The following CHODL variants were observed in gnomAD, a reference collection of about 807,000 sequenced individuals.
The protein encoded by CHODL is chondrolectin.
CHODL carries 29 observed loss-of-function variants against 34.5 expected under a neutral mutation model. That is an observed-to-expected ratio of 0.84 (90% CI 0.63 to 1.15). The LOEUF is 1.15. CHODL is among the 50% of genes most tolerant of loss of function. CHODL has a pLI of 0.00. For synonymous variants in CHODL, 125 were observed against 116.1 expected (o/e 1.08, Z -0.49); for missense variants, 332 against 332.5 (o/e 1.00, Z 0.01).
chr21:18,084,848 T>C (rs747404323), intron 2 of CHODL, among the ~76,000 whole-genome samples: 1 of 152,026 alleles, frequency 6.6e-6, no homozygotes, highest in Non-Finnish European at 1.5e-5. Context: ...ATGATCTGTC[T>C]AGTGCTATGA....
At chr21:18,202,992 C>T (rs1177674438) in intron 2 of CHODL, among the ~76,000 whole-genome samples, 1 of 152,104 alleles carries the variant, frequency 6.6e-6, no homozygotes, top group Admixed American at 6.5e-5. Context: ...AGAATGCTGT[C>T]TGATATACAT....
At chr21:18,194,925 T>C (rs1423642143) in intron 2 of CHODL, among the ~76,000 whole-genome samples, 2 of 152,280 alleles carry the variant, frequency 1.3e-5, no homozygotes, top group East Asian at 3.9e-4. Context: ...TAAGTTAACA[T>C]ATGCATTACT....
chr21:18,262,865 A>G lies in CHODL; in HGVS notation c.709A>G (p.Thr237Ala), dbSNP rs1284575421. ...LLLLILVAFG[T>A]CCFQMLHKSK... is the part of the protein sequence containing the mutation. ...CTTACTGATACTGGTTGCTTTTGGA[A>G]CCTGTTGTTTCCAGATGCTGCATAA... Residue 237 changes from threonine to alanine, a missense_variant, in exon 5 of 6, where the codon ACC (threonine) becomes GCC (alanine). By Grantham distance (58) the Thr-to-Ala change is moderately conservative. Coordinates refer to ENST00000299295, the MANE Select transcript of CHODL (RefSeq NM_024944.3). 2 of 1,608,812 alleles carry G rather than the reference A, an allele frequency of 1.2e-6. No individual in the cohort carries two copies. The highest frequency in any genetic ancestry group is 2.2e-5 in the South Asian group (2 of 90,956).
At chr21:18,084,890 A>ATTGCT (rs1359803641) in intron 2 of CHODL, among the ~76,000 whole-genome samples, 2 of 148,488 alleles carry the variant, frequency 1.3e-5, no homozygotes, top group African/African-American at 5.0e-5. Flanking sequence ...CTATTATTGT[A>ATTGCT]TTGCTATCTC....
intron 2 of CHODL, among the ~76,000 whole-genome samples, chr21:18,214,689 C>T (rs980026486): frequency 2.6e-5 from 4 of 151,986 alleles, no homozygotes; most frequent in Non-Finnish European, 4.4e-5. Flanking sequence ...ACGTACGTCT[C>T]GAACATCTAA....
At chr21:18,251,438 T>TTATTTATTTA (rs2074237259) in intron 1 of CHODL, among the ~76,000 whole-genome samples, 1 of 57,162 alleles carries the variant, frequency 1.7e-5, no homozygotes, top group Admixed American at 1.8e-4. Flanking sequence ...TTTATTTTAA[T>TTATTTATTTA]ATATAAAAAT....
intron 1 of CHODL, among the ~76,000 whole-genome samples, chr21:17,959,492 A>G (rs558395635): frequency 3.3e-5 from 5 of 152,322 alleles, no homozygotes; most frequent in African/African-American, 1.2e-4. Flanking sequence ...GATGAAAATC[A>G]TGGATTCTGA....
At chr21:18,125,655 G>A (rs1439130748) in intron 2 of CHODL, among the ~76,000 whole-genome samples, 1 of 151,900 alleles carries the variant, frequency 6.6e-6, no homozygotes, top group South Asian at 2.1e-4. Context: ...GAGTGCAGTG[G>A]TACGATCTCA....
chr21:18,048,924 T>TTTG (rs2064478725), intron 2 of CHODL, among the ~76,000 whole-genome samples: 1 of 151,876 alleles, frequency 6.6e-6, no homozygotes, highest in African/African-American at 2.4e-5. Flanking sequence ...AACTTCACAT[T>TTTG]TTTTTAAAAA....
chr21:18,051,729 A>T (rs1884973850), intron 2 of CHODL, among the ~76,000 whole-genome samples: 1 of 151,976 alleles, frequency 6.6e-6, no homozygotes, highest in African/African-American at 2.4e-5. Context: ...GATTTAGTAA[A>T]GACTTCCCGT....
chr21:18,181,754 T>G (rs923021265), intron 2 of CHODL, among the ~76,000 whole-genome samples: 1 of 152,210 alleles, frequency 6.6e-6, no homozygotes, highest in African/African-American at 2.4e-5. Context: ...CTCTACACAT[T>G]GACCATTCTG....
At chr21:18,237,472 G>A (rs2074039152) in intron 2 of CHODL, among the ~76,000 whole-genome samples, 1 of 152,112 alleles carries the variant, frequency 6.6e-6, no homozygotes. Flanking sequence ...CAAAGGAAAG[G>A]AAGGTACTGG....
At chr21:18,161,362 T>A (rs2073093311) in intron 2 of CHODL, among the ~76,000 whole-genome samples, 1 of 152,192 alleles carries the variant, frequency 6.6e-6, no homozygotes, top group Admixed American at 6.5e-5. Context: ...TTTTCATACA[T>A]TTATACATGT....
chr21:18,097,966 G>A (rs1389127514), intron 2 of CHODL, among the ~76,000 whole-genome samples: 1 of 152,010 alleles, frequency 6.6e-6, no homozygotes, highest in Admixed American at 6.6e-5. Flanking sequence ...ATTAACTGGG[G>A]AAAAGACAGT....
At chr21:18,009,811 C>T (rs1337429918) in intron 1 of CHODL, among the ~76,000 whole-genome samples, 3 of 145,298 alleles carry the variant, frequency 2.1e-5, no homozygotes, top group African/African-American at 2.6e-5. Flanking sequence ...TGGCGTGAAC[C>T]TGGGAAGCGG....
At chr21:18,228,973 T>C (rs999560335) in intron 2 of CHODL, among the ~76,000 whole-genome samples, 4 of 152,144 alleles carry the variant, frequency 2.6e-5, no homozygotes, top group Non-Finnish European at 4.4e-5. Context: ...TCCTCTCAGA[T>C]TAAATGTCTA....
chr21:17,925,783 T>G (rs919741268), intron 1 of CHODL, among the ~76,000 whole-genome samples: 2 of 152,226 alleles, frequency 1.3e-5, no homozygotes, highest in Non-Finnish European at 2.9e-5. Flanking sequence ...CTTTCTGAGT[T>G]CCTTTGAGTA....
In CHODL at chr21:18,249,074, AATAT is replaced by A. The variant is rs542982184; in HGVS notation, c.79+3780_79+3783del. ...ATATTATATATAATTTACTATATAT[AATAT>A]ATATATAATAAAATATATATATATA... On this transcript the variant is annotated intron_variant, in intron 1 of 5. Transcript: ENST00000299295. Among the ~76,000 whole-genome samples, 1,231 of 123,638 alleles carry A rather than the reference AATAT, an allele frequency of 1.0e-2. 23 individuals carry two copies. Among genetic ancestry groups the A allele is most frequent in the Non-Finnish European group, 0.014 (858 of 63,044 alleles). 81.1% of individuals were successfully genotyped at this position (123,638 alleles called of 152,430 possible). A position where few individuals can be genotyped will look rare whatever the true frequency, so the allele number is the denominator to read the frequency against.
intron 2 of CHODL, among the ~76,000 whole-genome samples, chr21:18,141,828 G>A (rs557009532): frequency 6.6e-6 from 1 of 151,908 alleles, no homozygotes; most frequent in South Asian, 2.1e-4. Context: ...CTGAAGGTAA[G>A]AATCAGGAAG....
Sources: gnomAD v4.1 joint callset for allele counts (sites outside exome capture counted in the v4.1 genomes callset) on GRCh38, gnomAD v4.1.1 for gene constraint, MANE v1.5 for transcripts, NCBI Gene and HGNC (gene_info 2026-07-23, HGNC 2026-07-21) for gene names.